The following IFRD1 variants were observed in gnomAD, a reference collection of about 807,000 sequenced individuals.
IFRD1 encodes the protein interferon related developmental regulator 1.
IFRD1 carries 35 observed loss-of-function variants against 52.9 expected under a neutral mutation model. That is an observed-to-expected ratio of 0.66 (90% confidence interval 0.51 to 0.88). The LOEUF (loss-of-function observed/expected upper bound fraction) is 0.88, where lower values mean the gene tolerates loss of function less well. Among genes scored for constraint, IFRD1 ranks in the 40% least tolerant of loss-of-function variants. The probability of loss-of-function intolerance (pLI) is 0.00; values close to 1 mark genes in which losing one functional copy is unlikely to be tolerated. For synonymous variants in IFRD1, 184 were observed against 188.4 expected (o/e 0.98, Z 0.19); for missense variants, 517 against 550.8 (o/e 0.94, Z 0.61).
chr7:112,431,307 A>C (rs1306063448), intron 1 of IFRD1, among the ~76,000 whole-genome samples: 1 of 152,228 alleles, frequency 6.6e-6, no homozygotes, highest in Non-Finnish European at 1.5e-5. Flanking sequence ...CAATATATAA[A>C]TATGTGGTAA....
At chr7:112,443,643 G>A (rs889877631) in intron 1 of IFRD1, among the ~76,000 whole-genome samples, 1 of 151,980 alleles carries the variant, frequency 6.6e-6, no homozygotes, top group Non-Finnish European at 1.5e-5. Context: ...AGGTCGAGGT[G>A]TGTGGACCAC....
chr7:112,473,576 T>C (rs1259928372), intron 11 of IFRD1, among the ~76,000 whole-genome samples: 1 of 151,936 alleles, frequency 6.6e-6, no homozygotes, highest in African/African-American at 2.4e-5. Flanking sequence ...AGGTGTGCAT[T>C]ACCACACCTG....
chr7:112,450,589 C>T lies in IFRD1; in HGVS notation c.-100C>T. The T allele has an allele frequency of 1.1e-6, 1 of 919,470 alleles. No homozygotes were observed. The highest frequency in any genetic ancestry group is 1.4e-5 in the South Asian group (1 of 73,586). 57.0% of individuals were successfully genotyped at this position (919,470 alleles called of 1,614,324 possible). ...GACTCTGTTGTTAGCCGAAGACTCG[C>T]CTCTCAGCCGCCCGCCGCACAGACG... On this transcript the variant is annotated 5_prime_UTR_variant, in exon 1 of 12. Transcript: ENST00000403825.
chr7:112,472,400 A>C, intron 10 of IFRD1, 53 bp downstream of exon 10: 3 of 1,595,416 alleles, frequency 1.9e-6, no homozygotes, highest in Non-Finnish European at 1.7e-6. Flanking sequence ...GCAGTCTTGA[A>C]TATAGCTCAC....
At chr7:112,451,047 G>GAC in intron 1 of IFRD1, 1 of 494,566 alleles carries the variant, frequency 2.0e-6, no homozygotes, top group Non-Finnish European at 3.7e-6. Context: ...AGTGTGTCGG[G>GAC]ACAGGGGCTG....
At chr7:112,472,442 A>G (rs543679782) in intron 10 of IFRD1, 95 bp downstream of exon 10, 1 of 1,331,102 alleles carries the variant, frequency 7.5e-7, no homozygotes, top group Non-Finnish European at 1.1e-6. Context: ...TTAGGTATCC[A>G]GAGTGCTTCC....
At chr7:112,456,729 T>C (rs967538333) in intron 3 of IFRD1, among the ~76,000 whole-genome samples, 185 bp from the exon 4 acceptor site, 3 of 152,152 alleles carry the variant, frequency 2.0e-5, no homozygotes, top group Admixed American at 2.0e-4. Context: ...CTTAAGTGTT[T>C]TGTGTAACAA....
intron 11 of IFRD1, 43 bp downstream of exon 11, chr7:112,472,904 G>A: frequency 1.5e-6 from 2 of 1,366,018 alleles, no homozygotes; most frequent in Non-Finnish European, 1.0e-6. Context: ...GTGCGCCAAA[G>A]CTTTGATTCT....
chr7:112,431,261 T>A (rs889524382), intron 1 of IFRD1, among the ~76,000 whole-genome samples: 1 of 152,226 alleles, frequency 6.6e-6, no homozygotes, highest in Non-Finnish European at 1.5e-5. Flanking sequence ...TAACTATATG[T>A]CATATTATAT....
chr7:112,451,908 T>C, intron 1 of IFRD1: 1 of 685,742 alleles, frequency 1.5e-6, no homozygotes, highest in Non-Finnish European at 1.8e-6. Flanking sequence ...ACAAGAAAAG[T>C]AAATATGGGG....
intron 1 of IFRD1, among the ~76,000 whole-genome samples, chr7:112,439,945 C>T (rs1277396135): frequency 2.6e-5 from 4 of 151,862 alleles, no homozygotes; most frequent in Non-Finnish European, 4.4e-5. Context: ...GATGGATCTG[C>T]GGCAGGAAAT....
chr7:112,474,498 C>T (rs1368473660), intron 11 of IFRD1, among the ~76,000 whole-genome samples: 1 of 152,060 alleles, frequency 6.6e-6, no homozygotes, highest in Non-Finnish European at 1.5e-5. Flanking sequence ...GTTTTATATC[C>T]ACATAATTGT....
chr7:112,473,096 T>C (rs564289132), intron 11 of IFRD1, among the ~76,000 whole-genome samples: 1 of 151,392 alleles, frequency 6.6e-6, no homozygotes, highest in East Asian at 1.9e-4. Flanking sequence ...GTGACACGAG[T>C]GGGACCTTGT....
chr7:112,431,440 T>A (rs192611483), intron 1 of IFRD1, among the ~76,000 whole-genome samples: 1 of 152,300 alleles, frequency 6.6e-6, no homozygotes, highest in Non-Finnish European at 1.5e-5. Flanking sequence ...ATGAATGACA[T>A]GCATCAGTTT....
chr7:112,425,388 C>T (rs906844295), intron 1 of IFRD1, among the ~76,000 whole-genome samples: 5 of 152,294 alleles, frequency 3.3e-5, no homozygotes, highest in East Asian at 1.9e-4. Flanking sequence ...CACCATCCAA[C>T]GTGGGCTGGG....
intron 1 of IFRD1, 88 bp downstream of exon 1, chr7:112,450,870 T>C (rs1451613265): frequency 1.1e-6 from 1 of 897,700 alleles, no homozygotes; most frequent in East Asian, 2.4e-5. Context: ...TTGTAGTTCT[T>C]TCTCTGATGT....
At chr7:112,426,371 T>C (rs1423871742) in intron 1 of IFRD1, among the ~76,000 whole-genome samples, 1 of 152,214 alleles carries the variant, frequency 6.6e-6, no homozygotes, top group Non-Finnish European at 1.5e-5. Context: ...CTGTCATTTG[T>C]CTTTTGTTCT....
intron 1 of IFRD1, chr7:112,451,215 G>C (rs552502265): frequency 4.1e-5 from 7 of 169,324 alleles, no homozygotes; most frequent in Non-Finnish European, 5.2e-5. Flanking sequence ...GGAGCTCCTG[G>C]GATGCCAGAC....
chr7:112,457,228 C>T, intron 4 of IFRD1, 190 bp downstream of exon 4: 2 of 575,438 alleles, frequency 3.5e-6, no homozygotes, highest in Non-Finnish European at 6.1e-6. Context: ...TTACGTAAAC[C>T]AAAAAAAAAT....
Sources: gnomAD v4.1 joint callset for allele counts (sites outside exome capture counted in the v4.1 genomes callset) on GRCh38, gnomAD v4.1.1 for gene constraint, MANE v1.5 for transcripts, NCBI Gene and HGNC (gene_info 2026-07-23, HGNC 2026-07-21) for gene names.